Variants in PLCL2 observed in about 807,000 individuals in gnomAD.
PLCL2 encodes inactive phospholipase C-like protein 2.
PLCL2 carries 4 observed loss-of-function variants against 79.6 expected under a neutral mutation model. That is an observed-to-expected ratio of 0.05 (90% CI 0.02 to 0.11). The LOEUF is 0.11. Ranked by LOEUF, PLCL2 falls within the 10% of genes least tolerant of loss-of-function variation. The probability of loss-of-function intolerance (pLI) is 1.00; values close to 1 mark genes in which losing one functional copy is unlikely to be tolerated. For synonymous variants in PLCL2, 484 were observed against 457.7 expected (o/e 1.06, Z -0.73); for missense variants, 895 against 1,291.0 (o/e 0.69, Z 4.70).
intron 5 of PLCL2, among the ~76,000 whole-genome samples, chr3:17,069,983 T>C (rs139191601): frequency 6.6e-6 from 1 of 152,338 alleles, no homozygotes; most frequent in Non-Finnish European, 1.5e-5. Flanking sequence ...GGGTACACTA[T>C]AAATTTCCTG....
intron 1 of PLCL2, among the ~76,000 whole-genome samples, chr3:16,947,718 T>G (rs1251653483): frequency 2.0e-5 from 3 of 152,218 alleles, no homozygotes; most frequent in Non-Finnish European, 4.4e-5. Flanking sequence ...TGGCAATATT[T>G]TAATTCTCTA....
At chr3:16,971,767 C>T (rs2063870985) in intron 1 of PLCL2, among the ~76,000 whole-genome samples, 1 of 152,088 alleles carries the variant, frequency 6.6e-6, no homozygotes, top group Non-Finnish European at 1.5e-5. Context: ...TCCTTCATGT[C>T]CCTTGTAAGC....
Position 16,885,000 on chromosome 3 carries a change from G to A in PLCL2, c.-40G>A, listed in dbSNP as rs1696171787. 4.1e-6 allele frequency: 1 copy of A among 241,596 alleles called. No homozygotes were observed. The allele number at this position is 241,596 out of a possible 1,614,324, so 15.0% of individuals were successfully genotyped here. ...GAGGCGGCGGCGGGGACGCGGGGAC[G>A]CGAGGACGCGGCTTTGTGCAGGCGG... is the stretch of plus-strand genomic sequence containing the variant. On this transcript the variant is annotated 5_prime_UTR_variant, in exon 1 of 6. Coordinates refer to ENST00000615277, the MANE Select transcript of PLCL2 (RefSeq NM_001144382.2). This position sits in a 1 kb window ranked among gnomAD's most constrained non-coding sequence, Gnocchi z 9.3.
At chr3:17,086,084 A>C (rs1199090943) in intron 5 of PLCL2, among the ~76,000 whole-genome samples, 1 of 152,248 alleles carries the variant, frequency 6.6e-6, no homozygotes, top group Non-Finnish European at 1.5e-5. Flanking sequence ...GGAAATTGAC[A>C]AACCGATTCC....
At chr3:16,963,551 T>C (rs1383224026) in intron 1 of PLCL2, among the ~76,000 whole-genome samples, 1 of 152,196 alleles carries the variant, frequency 6.6e-6, no homozygotes, top group African/African-American at 2.4e-5. Context: ...TTTATGACTT[T>C]AGATTAAAAT....
At chr3:16,987,520 T>C (rs1424864984) in intron 1 of PLCL2, among the ~76,000 whole-genome samples, 1 of 152,154 alleles carries the variant, frequency 6.6e-6, no homozygotes, top group Admixed American at 6.5e-5. Context: ...GTTGAATTAC[T>C]GAAAAATACG....
intron 5 of PLCL2, among the ~76,000 whole-genome samples, chr3:17,069,181 G>A (rs920991728): frequency 2.0e-5 from 3 of 152,174 alleles, no homozygotes; most frequent in Non-Finnish European, 4.4e-5. Context: ...ATAGTGGAGG[G>A]ACATGGGGGA....
intron 1 of PLCL2, among the ~76,000 whole-genome samples, chr3:16,891,396 T>C (rs1696346649): frequency 6.6e-6 from 1 of 152,228 alleles, no homozygotes; most frequent in Non-Finnish European, 1.5e-5. Context: ...TTGAGCAGAC[T>C]CCTTTAGAGA....
chr3:17,003,881 A>G (rs141801946), intron 1 of PLCL2, among the ~76,000 whole-genome samples: 1,770 of 152,106 alleles, frequency 0.012, 30 homozygotes, highest in Admixed American at 0.047. Context: ...TTCTACCCCC[A>G]GTTTTTCTCA....
chr3:16,936,384 G>A (rs1476642292), intron 1 of PLCL2, among the ~76,000 whole-genome samples: 1 of 152,180 alleles, frequency 6.6e-6, no homozygotes, highest in Non-Finnish European at 1.5e-5. Context: ...CCTTATCGAA[G>A]CCCTGGTTCC....
Position 16,997,791 on chromosome 3 carries a change from G to T in PLCL2, c.328-11883G>T, listed in dbSNP as rs537211041. Among the ~76,000 whole-genome samples the T allele has an allele frequency of 4.2e-4, 64 of 152,060 alleles. 1 individual carries two copies. Among genetic ancestry groups the T allele is most frequent in the African/African-American group, 1.4e-3 (57 of 41,464 alleles). ...CTGACCTCATGATCCACCTGCCTCG[G>T]CCTCCCAAAGTGCTGGGATTACAGG... On this transcript the variant is annotated intron_variant, in intron 1 of 5. Coordinates refer to ENST00000615277, the MANE Select transcript of PLCL2 (RefSeq NM_001144382.2).
At chr3:16,906,077 T>A (rs1183201046) in intron 1 of PLCL2, among the ~76,000 whole-genome samples, 2 of 152,046 alleles carry the variant, frequency 1.3e-5, no homozygotes, top group African/African-American at 4.8e-5. Flanking sequence ...AAAAAAAAAA[T>A]TGAAAATTAT....
intron 1 of PLCL2, among the ~76,000 whole-genome samples, chr3:16,979,413 T>C (rs2063958250): frequency 8.2e-6 from 1 of 122,670 alleles, no homozygotes; most frequent in Non-Finnish European, 1.7e-5. Context: ...CACAGGACAA[T>C]AGTGGAGGGA....
chr3:16,929,276 C>T (rs1357847340), intron 1 of PLCL2, among the ~76,000 whole-genome samples: 2 of 152,058 alleles, frequency 1.3e-5, no homozygotes, highest in Non-Finnish European at 2.9e-5. Flanking sequence ...TAGAGGCTAC[C>T]AGAGTTAAGA....
chr3:17,006,614 A>AG (rs1293688923), intron 1 of PLCL2, among the ~76,000 whole-genome samples: 1 of 152,226 alleles, frequency 6.6e-6, no homozygotes, highest in Non-Finnish European at 1.5e-5. Flanking sequence ...AGGCAACAGC[A>AG]GATGGAGGGA....
intron 4 of PLCL2, among the ~76,000 whole-genome samples, chr3:17,048,187 A>G (rs2124925920): frequency 6.6e-6 from 1 of 152,034 alleles, no homozygotes; most frequent in Middle Eastern, 3.4e-3. Flanking sequence ...CATGCACATC[A>G]TCTTGCCCAA....
At chr3:17,024,561 G>T (rs1356301319) in intron 3 of PLCL2, among the ~76,000 whole-genome samples, 2 of 152,172 alleles carry the variant, frequency 1.3e-5, no homozygotes, top group Non-Finnish European at 2.9e-5. Context: ...ATTCAGTTTT[G>T]TGGATTGTGA....
chr3:16,952,505 T>G (rs1341358922), intron 1 of PLCL2, among the ~76,000 whole-genome samples: 1 of 151,488 alleles, frequency 6.6e-6, no homozygotes, highest in Non-Finnish European at 1.5e-5. Context: ...GAAGTAAATG[T>G]CTAGTGGTTA....
intron 1 of PLCL2, among the ~76,000 whole-genome samples, chr3:16,993,453 G>C (rs558681188): frequency 6.6e-6 from 1 of 152,270 alleles, no homozygotes; most frequent in East Asian, 1.9e-4. Context: ...TAAGTAGCTT[G>C]AACTTTAGTG....
Sources: gnomAD v4.1 joint callset for allele counts (sites outside exome capture counted in the v4.1 genomes callset) on GRCh38, gnomAD v4.1.1 for gene constraint, Gnocchi (gnomAD v3.1) non-coding constraint, MANE v1.5 for transcripts, NCBI Gene and HGNC (gene_info 2026-07-23, HGNC 2026-07-21) for gene names.